Variants in GSPT1 observed in about 807,000 individuals in gnomAD.
GSPT1 encodes the protein G1 to S phase transition 1.
In GSPT1, 20 loss-of-function variants were observed where a neutral mutation model predicts 72.5. The observed-to-expected ratio is 0.28, with a 90% confidence interval of 0.19 to 0.40. The LOEUF (loss-of-function observed/expected upper bound fraction) is 0.40, where lower values mean the gene tolerates loss of function less well. Ranked by LOEUF, GSPT1 falls within the 10% of genes least tolerant of loss-of-function variation. The pLI is 1.00. For missense variants in GSPT1, 580 were observed against 811.9 expected, an observed-to-expected ratio of 0.71 and a Z score of 3.47; for synonymous variants, 334 against 293.5, an observed-to-expected ratio of 1.14 and a Z score of -1.41.
chr16:11,916,565 T>A (rs189156959), upstream of GSPT1, among the ~76,000 whole-genome samples: 19 of 152,364 alleles, frequency 1.2e-4, no homozygotes, highest in African/African-American at 4.6e-4. Context: ...TCAAAGCCGG[T>A]GCAGATTGCA....
chr16:11,909,110 A>C (rs2054525990), intron 1 of GSPT1, among the ~76,000 whole-genome samples: 1 of 152,048 alleles, frequency 6.6e-6, no homozygotes, highest in Non-Finnish European at 1.5e-5. Context: ...TTTCAAGTGA[A>C]GCGACATACA....
intron 11 of GSPT1, chr16:11,881,598 CCTT>C (rs903636901): frequency 6.6e-6 from 1 of 150,972 alleles, no homozygotes; most frequent in Non-Finnish European, 1.5e-5. Flanking sequence ...AGCAGTCACT[CCTT>C]ACTTTCCCTC....
intron 1 of GSPT1, among the ~76,000 whole-genome samples, chr16:11,913,712 G>A (rs2054588921): frequency 6.6e-6 from 1 of 152,196 alleles, no homozygotes; most frequent in Non-Finnish European, 1.5e-5. Flanking sequence ...GGTAGGGAAT[G>A]GGCACTTTTA....
At chr16:11,912,043 A>AT (rs1476454261) in intron 1 of GSPT1, among the ~76,000 whole-genome samples, 2 of 100,174 alleles carry the variant, frequency 2.0e-5, no homozygotes, top group African/African-American at 1.0e-4. Context: ...AATGTCAATC[A>AT]TTTAAAAAAA....
At chr16:11,905,182 G>A (rs1333413426) in intron 1 of GSPT1, among the ~76,000 whole-genome samples, 3 of 152,314 alleles carry the variant, frequency 2.0e-5, no homozygotes, top group Non-Finnish European at 4.4e-5. Flanking sequence ...GTCTCACATT[G>A]CATGAAAGTA....
chr16:11,907,453 G>A (rs1020024171), intron 1 of GSPT1, among the ~76,000 whole-genome samples: 1 of 152,162 alleles, frequency 6.6e-6, no homozygotes, highest in Admixed American at 6.5e-5. Flanking sequence ...TAACTGATAA[G>A]GGGTGGTAAA....
intron 1 of GSPT1, among the ~76,000 whole-genome samples, chr16:11,902,747 C>G (rs181955220): frequency 6.6e-6 from 1 of 152,058 alleles, no homozygotes; most frequent in Non-Finnish European, 1.5e-5. Flanking sequence ...CCACCACACC[C>G]AGCTAATTTT....
Position 11,877,163 on chromosome 16 carries a change from A to C in GSPT1, c.1602+244T>G, listed in dbSNP as rs2054059074. On this transcript the variant is annotated intron_variant, in intron 12 of 14. Transcript: ENST00000434724. This position sits in a 1 kb window ranked among gnomAD's most constrained non-coding sequence, Gnocchi z 4.0. ...CTGTAGAATGTATCATCAGGAGATC[A>C]AACATAAAAAGGAACTTACAAAGAA... Among the ~76,000 whole-genome samples the C allele has an allele frequency of 6.6e-6, 1 of 152,230 alleles. No homozygotes were observed.
At chr16:11,889,628 C>G (rs866388539) in intron 6 of GSPT1, among the ~76,000 whole-genome samples, 7 of 151,894 alleles carry the variant, frequency 4.6e-5, no homozygotes, top group East Asian at 3.9e-4. Context: ...CTGCCTCAGC[C>G]CCCCGAGTAG....
chr16:11,906,634 A>C (rs550876531), intron 1 of GSPT1, among the ~76,000 whole-genome samples: 1 of 152,226 alleles, frequency 6.6e-6, no homozygotes, highest in Non-Finnish European at 1.5e-5. Flanking sequence ...ACCCTGTCTC[A>C]AAAAACAAAA....
chr16:11,893,614 A>G (rs1178359098), intron 5 of GSPT1, among the ~76,000 whole-genome samples: 2 of 152,152 alleles, frequency 1.3e-5, no homozygotes, highest in African/African-American at 4.8e-5. Flanking sequence ...TCCTTTCCCT[A>G]TAGCTTTCAT....
At chr16:11,902,380 A>G (rs1289889131) in intron 1 of GSPT1, among the ~76,000 whole-genome samples, 4 of 146,018 alleles carry the variant, frequency 2.7e-5, no homozygotes. Context: ...CTGTCTCAAA[A>G]ACAGACAGAG....
chr16:11,883,577 AC>A (rs948113373), intron 10 of GSPT1, among the ~76,000 whole-genome samples: 4 of 150,156 alleles, frequency 2.7e-5, no homozygotes, highest in African/African-American at 9.8e-5. Context: ...CCGAGACTGA[AC>A]CACTCGACTC....
chr16:11,875,463 T>G (rs979105519), intron 14 of GSPT1, among the ~76,000 whole-genome samples: 2 of 152,096 alleles, frequency 1.3e-5, no homozygotes, highest in Admixed American at 6.5e-5. Flanking sequence ...GCTAGACATA[T>G]TACAAAGGAT....
At chr16:11,879,691 A>T (rs2054096050) in intron 11 of GSPT1, among the ~76,000 whole-genome samples, 1 of 149,710 alleles carries the variant, frequency 6.7e-6, no homozygotes, top group South Asian at 2.1e-4. Context: ...GTGAGCCGAG[A>T]TCACACCACT....
intron 1 of GSPT1, among the ~76,000 whole-genome samples, chr16:11,904,455 G>C (rs977813914): frequency 3.9e-5 from 6 of 152,084 alleles, no homozygotes; most frequent in Non-Finnish European, 8.8e-5. Context: ...GCCCGCCTTG[G>C]CCTCCTAAAG....
chr16:11,878,837 G>A (rs892762400), intron 11 of GSPT1, among the ~76,000 whole-genome samples: 1 of 151,840 alleles, frequency 6.6e-6, no homozygotes, highest in Non-Finnish European at 1.5e-5. Context: ...AGGCCGAGGC[G>A]GGTGATCACC....
chr16:11,905,446 TCCC>T (rs1192846567), intron 1 of GSPT1, among the ~76,000 whole-genome samples: 4 of 152,186 alleles, frequency 2.6e-5, no homozygotes, highest in African/African-American at 7.2e-5. Context: ...GCCTACCTAA[TCCC>T]CCATTTCTAT....
intron 14 of GSPT1, among the ~76,000 whole-genome samples, chr16:11,874,611 A>G (rs1037952998): frequency 4.6e-5 from 7 of 152,042 alleles, no homozygotes; most frequent in Admixed American, 4.6e-4. Flanking sequence ...TCATTTTGTT[A>G]TATTAATAAG....
Sources: allele counts gnomAD v4.1 joint callset (sites outside exome capture counted in the v4.1 genomes callset), GRCh38; gene constraint gnomAD v4.1.1; non-coding constraint Gnocchi (gnomAD v3.1); transcripts MANE v1.5; gene names NCBI Gene and HGNC (gene_info 2026-07-23, HGNC 2026-07-21).